CD109: variants seen among roughly 807,000 people sequenced by gnomAD.
CD109 encodes CD109 molecule, also known as CD109 antigen.
In CD109, 149 loss-of-function variants were observed where a neutral mutation model predicts 165.8. The ratio of observed to expected loss-of-function variants is 0.90; its 90% CI spans 0.79 to 1.03. CD109 has a LOEUF of 1.03. Ranked by LOEUF, CD109 falls within the 50% of genes least tolerant of loss-of-function variation. The pLI, the probability that CD109 is intolerant of heterozygous loss-of-function variation, is 0.00. For synonymous variants in CD109, 585 were observed against 592.1 expected (o/e 0.99, Z 0.18); for missense variants, 1,712 against 1,677.8 (o/e 1.02, Z -0.36).
chr6:73,785,532 G>A (rs1474990564), intron 20 of CD109, 55 bp downstream of exon 20: 11 of 1,012,220 alleles, frequency 1.1e-5, no homozygotes, highest in Non-Finnish European at 7.5e-6. Flanking sequence ...AATCGAGGTA[G>A]CATGAAGGGA....
At chr6:73,813,338 A>G (rs1562085787) in intron 29 of CD109, among the ~76,000 whole-genome samples, 2 of 152,176 alleles carry the variant, frequency 1.3e-5, no homozygotes. Context: ...TTGAAAAATT[A>G]TATGTACTTA....
At chr6:73,727,927 C>A (rs1772200686) in intron 3 of CD109, among the ~76,000 whole-genome samples, 1 of 152,128 alleles carries the variant, frequency 6.6e-6, no homozygotes, top group Non-Finnish European at 1.5e-5. Flanking sequence ...TTTAAGATTG[C>A]AAGTTCCAGG....
intron 22 of CD109, 76 bp from the exon 23 acceptor site, chr6:73,792,550 G>A (rs1775007474): frequency 2.3e-6 from 3 of 1,277,752 alleles, no homozygotes; most frequent in South Asian, 1.2e-5. Context: ...TCTGTACTCA[G>A]TGGAAGTCTC....
chr6:73,747,867 A>AT (rs1437453653), intron 5 of CD109, among the ~76,000 whole-genome samples: 1 of 151,674 alleles, frequency 6.6e-6, no homozygotes, highest in Non-Finnish European at 1.5e-5. Context: ...CCTTAAATAA[A>AT]TATATTTCTT....
the CD109 span, among the ~76,000 whole-genome samples, chr6:73,684,887 T>C: frequency 6.6e-6 from 1 of 152,012 alleles, no homozygotes; most frequent in Non-Finnish European, 1.5e-5. Flanking sequence ...TCCTACTATT[T>C]TGCCTATGTG....
At chr6:73,691,172 C>G (rs778904113), upstream of CD109, among the ~76,000 whole-genome samples, 1 of 152,162 alleles carries the variant, frequency 6.6e-6, no homozygotes, top group East Asian at 1.9e-4. Context: ...CATCATTTTT[C>G]TAAAGGCAAA....
chr6:73,767,076 T>C, intron 13 of CD109, 66 bp downstream of exon 13: 1 of 1,411,450 alleles, frequency 7.1e-7, no homozygotes, highest in Non-Finnish European at 9.9e-7. Flanking sequence ...ACTTTTAAGT[T>C]CTGGGGTACA....
intron 5 of CD109, among the ~76,000 whole-genome samples, chr6:73,755,280 A>G (rs1773346932): frequency 6.6e-6 from 1 of 152,254 alleles, no homozygotes. Context: ...GATCAAAACA[A>G]CAAAATTTCT....
intron 23 of CD109, among the ~76,000 whole-genome samples, chr6:73,794,758 C>A (rs1775096892): frequency 6.6e-6 from 1 of 152,102 alleles, no homozygotes; most frequent in African/African-American, 2.4e-5. Context: ...CATGCAGACA[C>A]TATGACCGGC....
At position 73,782,755 on chromosome 6, in the gene CD109, G is replaced by T; in HGVS notation, c.2105G>T (p.Gly702Val). 6.2e-7 allele frequency: 1 copy of T among 1,612,370 alleles called. No individual in the cohort carries two copies. The highest frequency in any genetic ancestry group is 8.5e-7 in the Non-Finnish European group (1 of 1,179,124). ...ETWIWLDTNMGYRIYQEFEVT... is the reference protein window; with the variant it reads ...ETWIWLDTNMVYRIYQEFEVT... ...TGGATTTGGCTAGACACCAACATGG[G>T]GTAAAAATTTATAAAGTTCTTTGCC... The change falls in exon 18 of 33, where the codon GGT (glycine) becomes GTT (valine). Residue 702 changes from glycine (G) to valine (V), a missense_variant and splice_region_variant. Gly to Val is a moderately radical substitution (Grantham distance 109). Transcript: ENST00000287097.
At position 73,739,083 on chromosome 6, in the gene CD109, G is replaced by GT. The variant is rs1343893455; in HGVS notation, c.633+2576dup. Among the ~76,000 whole-genome samples, 5 of 152,278 alleles carry GT rather than the reference G, an allele frequency of 3.3e-5. No individual in the cohort carries two copies. In the East Asian group the frequency reaches 9.6e-4, roughly 29 times the overall value. On this transcript the variant is annotated intron_variant, in intron 5 of 32. Transcript: ENST00000287097. ...TGCTTTTGCATGTAAGTAGAAAGCA[G>GT]TATTTTCTTAAAACGAATGTGTGAA...
chr6:73,721,513 T>C (rs1007791719), intron 2 of CD109, among the ~76,000 whole-genome samples: 3 of 150,972 alleles, frequency 2.0e-5, no homozygotes, highest in Non-Finnish European at 3.0e-5. Context: ...TACAGGCGCC[T>C]GCCACCACAC....
At position 73,781,324 on chromosome 6, in the gene CD109, G is replaced by A. The variant is rs1774488176; in HGVS notation, c.1963+5G>A. Reference sequence around the variant, plus strand: ...AGGATTATATTGATGGTGTTTGTAAGTAATACATGGCGACATGCTTGTATT... The same window carrying A: ...AGGATTATATTGATGGTGTTTGTAAATAATACATGGCGACATGCTTGTATT... On this transcript the variant is annotated splice_donor_5th_base_variant and intron_variant, in intron 17 of 32. Transcript: ENST00000287097. 1 of 1,609,158 alleles carries A rather than the reference G, an allele frequency of 6.2e-7. No individual in the cohort carries two copies. Among genetic ancestry groups the A allele is most frequent in the Admixed American group, 1.7e-5 (1 of 59,972 alleles).
intron 7 of CD109, 34 bp from the exon 8 acceptor site, chr6:73,762,350 G>T: frequency 8.0e-7 from 1 of 1,252,422 alleles, no homozygotes; most frequent in South Asian, 1.3e-5. Context: ...ATATCAAGTT[G>T]ATACATAAAA....
chr6:73,684,621 T>C, the CD109 span, among the ~76,000 whole-genome samples: 6 of 152,144 alleles, frequency 3.9e-5, no homozygotes, highest in Non-Finnish European at 7.3e-5. Context: ...TATTGAACAT[T>C]TTTTCATGTA....
intron 5 of CD109, among the ~76,000 whole-genome samples, chr6:73,741,663 TTTTTG>T (rs774614569): frequency 2.0e-5 from 3 of 152,150 alleles, no homozygotes; most frequent in African/African-American, 7.2e-5. Context: ...GCACATGGTT[TTTTTG>T]TTTTGTTTTG....
chr6:73,696,581 C>T (rs937078476), intron 1 of CD109, among the ~76,000 whole-genome samples: 3 of 152,246 alleles, frequency 2.0e-5, no homozygotes, highest in Non-Finnish European at 4.4e-5. Context: ...ATTGCCTCTG[C>T]CTTTTGCTTC....
At chr6:73,777,104 A>G (rs1774278641) in intron 15 of CD109, among the ~76,000 whole-genome samples, 1 of 101,934 alleles carries the variant, frequency 9.8e-6, no homozygotes, top group Non-Finnish European at 1.9e-5. Flanking sequence ...AATTACAGGC[A>G]TGTGCCACCA....
At chr6:73,707,462 T>A (rs1207204581) in intron 2 of CD109, among the ~76,000 whole-genome samples, 1 of 152,090 alleles carries the variant, frequency 6.6e-6, no homozygotes, top group Non-Finnish European at 1.5e-5. Context: ...TTTGCACTAC[T>A]GTTTTGGAAG....
Sources: gnomAD v4.1 joint callset for allele counts (sites outside exome capture counted in the v4.1 genomes callset) on GRCh38, gnomAD v4.1.1 for gene constraint, MANE v1.5 for transcripts, NCBI Gene and HGNC (gene_info 2026-07-23, HGNC 2026-07-21) for gene names.